AKAP6: variants seen among roughly 807,000 people sequenced by gnomAD.
AKAP6 encodes the protein A-kinase anchoring protein 6, also known as A-kinase anchor protein 6.
In AKAP6, 58 loss-of-function variants were observed where a neutral mutation model predicts 188.5. That is an observed-to-expected ratio of 0.31 (90% confidence interval 0.25 to 0.38). The LOEUF is 0.38. Among genes scored for constraint, AKAP6 ranks in the 10% least tolerant of loss-of-function variants. The pLI is 1.00. For synonymous variants in AKAP6, 989 were observed against 998.6 expected, an observed-to-expected ratio of 0.99 and a Z score of 0.18; for missense variants, 2,710 against 2,740.0, an observed-to-expected ratio of 0.99 and a Z score of 0.24.
At chr14:32,362,480 T>C (rs1051590783) in intron 1 of AKAP6, among the ~76,000 whole-genome samples, 1 of 152,208 alleles carries the variant, frequency 6.6e-6, no homozygotes, top group Non-Finnish European at 1.5e-5. Flanking sequence ...GCTGGACTCT[T>C]ATCCCAAATA....
intron 2 of AKAP6, among the ~76,000 whole-genome samples, chr14:32,513,992 T>C (rs188975372): frequency 6.6e-6 from 1 of 152,194 alleles, no homozygotes; most frequent in Non-Finnish European, 1.5e-5. Flanking sequence ...TCTCTCTTTT[T>C]ATAATTTTTC....
intron 5 of AKAP6, among the ~76,000 whole-genome samples, chr14:32,589,489 A>T (rs1885391822): frequency 6.6e-6 from 1 of 152,164 alleles, no homozygotes; most frequent in African/African-American, 2.4e-5. Flanking sequence ...CTCAGTTTGG[A>T]CATATGAAAG....
intron 1 of AKAP6, among the ~76,000 whole-genome samples, chr14:32,373,062 T>A (rs1243366647): frequency 6.6e-6 from 1 of 151,572 alleles, no homozygotes; most frequent in Non-Finnish European, 1.5e-5. Context: ...TAGCTCTTTA[T>A]AATATAAATT....
At chr14:32,359,147 A>G (rs1887575121) in intron 1 of AKAP6, among the ~76,000 whole-genome samples, 1 of 152,202 alleles carries the variant, frequency 6.6e-6, no homozygotes, top group Admixed American at 6.5e-5. Flanking sequence ...TCTAAAATAA[A>G]GTAGGATAAA....
At chr14:32,415,923 A>G (rs184830828) in intron 1 of AKAP6, among the ~76,000 whole-genome samples, 376 of 152,230 alleles carry the variant, frequency 2.5e-3, no homozygotes, top group African/African-American at 8.1e-3. Context: ...GATTTTGCTT[A>G]TCTGTTTTGC....
At chr14:32,803,965 G>A (rs938590180) in intron 12 of AKAP6, among the ~76,000 whole-genome samples, 12 of 152,290 alleles carry the variant, frequency 7.9e-5, no homozygotes, top group Middle Eastern at 3.4e-3. Context: ...CATCTAGTCC[G>A]TTAATGGGTC....
intron 1 of AKAP6, among the ~76,000 whole-genome samples, chr14:32,393,947 A>T (rs779004188): frequency 1.1e-4 from 17 of 152,164 alleles, no homozygotes; most frequent in African/African-American, 2.9e-4. Flanking sequence ...AGAAATGAAA[A>T]GAAATCACAC....
chr14:32,351,799 A>G (rs1887282735), intron 1 of AKAP6, among the ~76,000 whole-genome samples: 1 of 152,170 alleles, frequency 6.6e-6, no homozygotes, highest in Non-Finnish European at 1.5e-5. Flanking sequence ...AATTATATCT[A>G]TAAAATTTAA....
At chr14:32,373,739 G>A (rs1409858572) in intron 1 of AKAP6, among the ~76,000 whole-genome samples, 1 of 152,154 alleles carries the variant, frequency 6.6e-6, no homozygotes, top group Non-Finnish European at 1.5e-5. Context: ...GAAGCAAGGT[G>A]CAGTCAGTTA....
chr14:32,614,635 CT>C (rs1297815672), intron 7 of AKAP6, among the ~76,000 whole-genome samples: 1 of 152,096 alleles, frequency 6.6e-6, no homozygotes, highest in African/African-American at 2.4e-5. Context: ...TGTGGACTGC[CT>C]AACCAATAGC....
intron 11 of AKAP6, among the ~76,000 whole-genome samples, chr14:32,738,985 A>G (rs976597292): frequency 2.0e-5 from 3 of 152,164 alleles, no homozygotes; most frequent in African/African-American, 7.2e-5. Context: ...ACCCTGCTCT[A>G]GATTACAAAA....
chr14:32,823,704 G>A lies in AKAP6; in HGVS notation c.5891G>A (p.Cys1964Tyr). The A allele has an allele frequency of 1.9e-6, 3 of 1,613,762 alleles. No individual in the cohort carries two copies. The highest frequency in any genetic ancestry group is 2.5e-6 in the Non-Finnish European group (3 of 1,179,906). The change falls in exon 13 of 14, where the codon TGT becomes TAT. Residue 1964 changes from cysteine to tyrosine, a missense_variant. Physicochemically the swap from Cys to Tyr is radical, Grantham distance 194 (BLOSUM62 -2). Transcript: ENST00000280979. ...SQDVRHLPKKCPNHHHFENQS... is the reference protein window; with the variant it reads ...SQDVRHLPKKYPNHHHFENQS... Reference sequence around the variant, plus strand: ...GATGTTAGACATCTTCCAAAGAAATGTCCAAATCACCACCATTTTGAAAAT... The same window carrying A: ...GATGTTAGACATCTTCCAAAGAAATATCCAAATCACCACCATTTTGAAAAT...
chr14:32,474,490 C>G (rs978437278), intron 2 of AKAP6: 1 of 151,206 alleles, frequency 6.6e-6, no homozygotes, highest in Non-Finnish European at 1.5e-5. Context: ...AGCAAGTTCT[C>G]TGATGAAAAA....
chr14:32,704,326 C>T (rs993008914), intron 9 of AKAP6, among the ~76,000 whole-genome samples: 3 of 152,076 alleles, frequency 2.0e-5, no homozygotes, highest in Non-Finnish European at 2.9e-5. Flanking sequence ...GATGGGAATG[C>T]GTAGTATTCC....
chr14:32,812,918 T>TG (rs2034273605), intron 12 of AKAP6, among the ~76,000 whole-genome samples: 1 of 152,116 alleles, frequency 6.6e-6, no homozygotes, highest in Non-Finnish European at 1.5e-5. Context: ...AGCAAATGTG[T>TG]GGGGTTTTTT....
chr14:32,789,772 C>T (rs1297899860), intron 12 of AKAP6, among the ~76,000 whole-genome samples: 1 of 152,152 alleles, frequency 6.6e-6, no homozygotes, highest in African/African-American at 2.4e-5. Flanking sequence ...GAGAAAGAAT[C>T]GATGCAAGAA....
In AKAP6 at chr14:32,707,773, T is replaced by A. The variant is rs149134468; in HGVS notation, c.3000+11663T>A. 3.8e-3 allele frequency among the ~76,000 whole-genome samples: 584 copies of A among 152,240 alleles called. 5 individuals are homozygous for A. Among genetic ancestry groups the A allele is most frequent in the African/African-American group, 0.013 (545 of 41,552 alleles). ...AACAAAACAGTCTATTTTTATGCTG[T>A]GATAATTGAATGTAAAACTTTATGT... On this transcript the variant is annotated intron_variant, in intron 9 of 13. Transcript: ENST00000280979.
At chr14:32,587,258 A>T (rs1292299203) in intron 5 of AKAP6, among the ~76,000 whole-genome samples, 1 of 151,914 alleles carries the variant, frequency 6.6e-6, no homozygotes, top group Non-Finnish European at 1.5e-5. Context: ...GGGGCTTTCT[A>T]TATATTAAGG....
At chr14:32,410,049 G>A (rs7157707) in intron 1 of AKAP6, among the ~76,000 whole-genome samples, 144,894 of 152,154 alleles carry the variant, frequency 0.95, 69,300 homozygotes, top group East Asian at 1. Context: ...AAATCAAAAT[G>A]TTTTTACCCC....
Sources: gnomAD v4.1 joint callset for allele counts (sites outside exome capture counted in the v4.1 genomes callset) on GRCh38, gnomAD v4.1.1 for gene constraint, MANE v1.5 for transcripts, NCBI Gene and HGNC (gene_info 2026-07-23, HGNC 2026-07-21) for gene names.